Variants in DYNC2H1 observed in about 807,000 individuals in gnomAD.
The protein encoded by DYNC2H1 is dynein cytoplasmic 2 heavy chain 1, also known as cytoplasmic dynein 2 heavy chain 1.
In DYNC2H1, 410 loss-of-function variants were observed where a neutral mutation model predicts 570.0. The ratio of observed to expected loss-of-function variants is 0.72; its 90% CI spans 0.66 to 0.78. The LOEUF (loss-of-function observed/expected upper bound fraction) is 0.78, where lower values mean the gene tolerates loss of function less well. DYNC2H1 is among the 30% of genes least tolerant of loss of function. DYNC2H1 has a pLI of 0.00. For synonymous variants in DYNC2H1, 1,688 were observed against 1,677.6 expected, an observed-to-expected ratio of 1.01 and a Z score of -0.15; for missense variants, 4,865 against 5,046.4, an observed-to-expected ratio of 0.96 and a Z score of 1.09.
chr11:103,453,039 A>G (rs1230385252), intron 85 of DYNC2H1, among the ~76,000 whole-genome samples: 1 of 152,054 alleles, frequency 6.6e-6, no homozygotes, highest in Non-Finnish European at 1.5e-5. Flanking sequence ...GAAATTGCCT[A>G]GCCCATTTAG....
intron 75 of DYNC2H1, among the ~76,000 whole-genome samples, chr11:103,293,358 C>T (rs1286434228): frequency 6.6e-6 from 1 of 151,894 alleles, no homozygotes; most frequent in Non-Finnish European, 1.5e-5. Context: ...TTTCTTTGTC[C>T]TTGGCCTTTA....
At chr11:103,327,179 GTGT>G (rs1354272450) in intron 82 of DYNC2H1, among the ~76,000 whole-genome samples, 1 of 152,032 alleles carries the variant, frequency 6.6e-6, no homozygotes, top group Admixed American at 6.6e-5. Flanking sequence ...ACTCTCGGTA[GTGT>G]TTTCTTCCCC....
rs1591578626 is a variant in DYNC2H1, at chr11:103,323,936, C to T, written c.11985C>T (p.Phe3995=). The change falls in exon 82 of 89, where the codon TTC becomes TTT. Residue 3995 remains phenylalanine (F), a synonymous_variant. Transcript: ENST00000375735. ...TTCCAGAGGACGACAAACCTAGTTT[C>T]TTTGGTCTGCCTGCCAATATCGCTC... ...EKIPEDDKPS[F]FGLPANIARS... 1.2e-6 allele frequency: 2 copies of T among 1,613,002 alleles called. No individual in the cohort carries two copies. The highest frequency in any genetic ancestry group is 8.5e-7 in the Non-Finnish European group (1 of 1,179,332).
chr11:103,380,319 GTCATTTGTTTTC>G (rs1432901918), intron 83 of DYNC2H1, among the ~76,000 whole-genome samples: 1 of 152,062 alleles, frequency 6.6e-6, no homozygotes, highest in African/African-American at 2.4e-5. Flanking sequence ...TCCCTCTCCA[GTCATTTGTTTTC>G]TCATTTGTTT....
chr11:103,130,087 A>G (rs1859196288), intron 13 of DYNC2H1, among the ~76,000 whole-genome samples: 1 of 152,212 alleles, frequency 6.6e-6, no homozygotes, highest in East Asian at 1.9e-4. Flanking sequence ...CAGAGGGTGT[A>G]CTTATTTTTT....
chr11:103,410,811 C>A (rs1709152), intron 84 of DYNC2H1, among the ~76,000 whole-genome samples: 1 of 37,554 alleles, frequency 2.7e-5, no homozygotes, highest in South Asian at 1.0e-3. Context: ...AGCTTGGGTT[C>A]ATTGTATGGC....
rs181976280 is a variant in DYNC2H1, at chr11:103,247,287, T to A, written c.10042+1913T>A. Among the ~76,000 whole-genome samples the A allele has an allele frequency of 2.8e-4, 42 of 152,168 alleles. No homozygotes were observed. The East Asian group carries it at 7.7e-3, about 28-fold the overall frequency. On this transcript the variant is annotated intron_variant, in intron 65 of 88. Transcript: ENST00000375735. ...ATACTAGAGATGACAGCTAAACATT[T>A]GTGGTTGATTCTTTTAGTCCAGATG...
chr11:103,140,391 T>C lies in DYNC2H1; in HGVS notation c.2575-2877T>C, dbSNP rs529824497. On this transcript the variant is annotated intron_variant, in intron 17 of 88. Coordinates refer to ENST00000375735, the MANE Select transcript of DYNC2H1 (RefSeq NM_001377.3). ...TGTTGAGTGCTTCCTTCAGGAACTCTTTTAGGGCAGGCCTGGTGGTGACAA... is the reference window on the plus strand; with the variant it reads ...TGTTGAGTGCTTCCTTCAGGAACTCCTTTAGGGCAGGCCTGGTGGTGACAA... Among the ~76,000 whole-genome samples the C allele has an allele frequency of 8.5e-5, 13 of 152,192 alleles. No homozygotes were observed. The South Asian group carries it at 2.3e-3, about 27-fold the overall frequency.
In DYNC2H1 at chr11:103,121,462, A is replaced by G; in HGVS notation, c.1451A>G (p.Asn484Ser). The part of the protein sequence containing the change: ...LSGKNLSEVV[N>S]SIVWVRQLEL... ...GGCAAAAATCTTTCAGAAGTTGTCA[A>G]CAGTATAGTTTGGGTTCGCCAGTTG... is the stretch of plus-strand genomic sequence containing the variant. The change falls in exon 10 of 89, where the codon AAC becomes AGC. Residue 484 changes from asparagine to serine, a missense_variant. Coordinates refer to ENST00000375735, the MANE Select transcript of DYNC2H1 (RefSeq NM_001377.3). 1 of 1,613,458 alleles carries G rather than the reference A, an allele frequency of 6.2e-7. No homozygotes were observed. Among genetic ancestry groups the G allele is most frequent in the Non-Finnish European group, 8.5e-7 (1 of 1,179,614 alleles).
At chr11:103,365,473 A>G (rs1940863879) in intron 83 of DYNC2H1, among the ~76,000 whole-genome samples, 1 of 152,192 alleles carries the variant, frequency 6.6e-6, no homozygotes, top group South Asian at 2.1e-4. Flanking sequence ...TTTAATTCCT[A>G]TTGGGCTGAA....
intron 75 of DYNC2H1, among the ~76,000 whole-genome samples, chr11:103,291,311 A>G (rs3847571): frequency 0.17 from 25,131 of 151,884 alleles, 2,261 homozygotes; most frequent in Admixed American, 0.25. Flanking sequence ...GGTGGCAGGC[A>G]CCTGTAATCC....
Position 103,133,744 on chromosome 11 carries a change from G to T in DYNC2H1, c.2106+37G>T. On this transcript the variant is annotated intron_variant, in intron 14 of 88. Coordinates refer to ENST00000375735, the MANE Select transcript of DYNC2H1 (RefSeq NM_001377.3). This position sits in a 1 kb window ranked among gnomAD's most constrained non-coding sequence, Gnocchi z 4.8. ...TTATAAAATTGAATAAGCTATGAATGATATTATTTAAAAAGTCATTAAGAT... is the reference window on the plus strand; with the variant it reads ...TTATAAAATTGAATAAGCTATGAATTATATTATTTAAAAAGTCATTAAGAT... 1 of 1,504,854 alleles carries T rather than the reference G, an allele frequency of 6.6e-7. No individual in the cohort carries two copies. The highest frequency in any genetic ancestry group is 8.9e-7 in the Non-Finnish European group (1 of 1,123,224). 93.2% of individuals were successfully genotyped at this position (1,504,854 alleles called of 1,614,324 possible). A position where few individuals can be genotyped will look rare whatever the true frequency, so the allele number is the denominator to read the frequency against.
At chr11:103,343,799 CA>C (rs1939602818) in intron 82 of DYNC2H1, among the ~76,000 whole-genome samples, 1 of 152,094 alleles carries the variant, frequency 6.6e-6, no homozygotes, top group Admixed American at 6.6e-5. Flanking sequence ...TGGTAACTGC[CA>C]GTTTTGTGCT....
intron 87 of DYNC2H1, among the ~76,000 whole-genome samples, chr11:103,460,586 C>T (rs1457583214): frequency 6.6e-6 from 1 of 151,510 alleles, no homozygotes; most frequent in Non-Finnish European, 1.5e-5. Flanking sequence ...GCAGTCTGAG[C>T]CTTGGCTGTC....
rs79376156 is a variant in DYNC2H1, at chr11:103,417,529, G to A, written c.12366+17657G>A. Among the ~76,000 whole-genome samples, 153 of 152,274 alleles carry A rather than the reference G, an allele frequency of 1.0e-3. 5 individuals are homozygous for A. In the East Asian group the frequency reaches 0.027, roughly 27 times the overall value. On this transcript the variant is annotated intron_variant, in intron 84 of 88. Transcript: ENST00000375735. ...ATTAGTAAATTGAATCCAACAAAAT[G>A]TAAAATGGATAATGCATCATCCCCA...
intron 53 of DYNC2H1, among the ~76,000 whole-genome samples, chr11:103,210,904 G>T (rs1443457874): frequency 2.6e-5 from 4 of 152,018 alleles, no homozygotes; most frequent in Non-Finnish European, 5.9e-5. Context: ...AGGTGATAGG[G>T]TATTATTGAG....
chr11:103,186,465 C>T lies in DYNC2H1; in HGVS notation c.6857C>T (p.Pro2286Leu), dbSNP rs756078164. 1.9e-6 allele frequency: 3 copies of T among 1,611,830 alleles called. No individual in the cohort carries two copies. In the East Asian group the frequency reaches 6.7e-5, roughly 36 times the overall value. Residue 2286 changes from proline (P) to leucine (L), a missense_variant, in exon 42 of 89, where the codon CCC becomes CTC. Coordinates refer to ENST00000375735, the MANE Select transcript of DYNC2H1 (RefSeq NM_001377.3). The surrounding 1 kb of genome is among the most constrained non-coding windows in gnomAD (Gnocchi z 4.5). ...TGGTTAAGTTCTGATACTAAACAGC[C>T]CTTTATTCTGGTAGGACCAGAAGGA... ...KPWLSSDTKQ[P>L]FILVGPEGCG...
In DYNC2H1 at chr11:103,287,549, C is replaced by A. The variant is rs10895391; in HGVS notation, c.11039C>A (p.Ala3680Glu). The change falls in exon 75 of 89, where the codon GCG (alanine) becomes GAG (glutamate). Residue 3680 changes from alanine (A) to glutamate (E), a missense_variant. Coordinates refer to ENST00000375735, the MANE Select transcript of DYNC2H1 (RefSeq NM_001377.3). ...TATTTTAAGATTCTTGTAGTACAGGCGCTAAGACCGGACAGATTGCAAAGT... is the reference window on the plus strand; with the variant it reads ...TATTTTAAGATTCTTGTAGTACAGGAGCTAAGACCGGACAGATTGCAAAGT... ...SLFQQILVVQ[A>E]LRPDRLQSAM... 6.2e-7 allele frequency: 1 copy of A among 1,608,832 alleles called. No homozygotes were observed. The highest frequency in any genetic ancestry group is 1.1e-5 in the South Asian group (1 of 89,864).
intron 65 of DYNC2H1, among the ~76,000 whole-genome samples, chr11:103,246,862 C>G (rs1171225099): frequency 6.6e-6 from 1 of 152,024 alleles, no homozygotes; most frequent in Admixed American, 6.6e-5. Context: ...TTTCTACTTA[C>G]TGTGTTTAAA....
Sources: gnomAD v4.1 joint callset for allele counts (sites outside exome capture counted in the v4.1 genomes callset) on GRCh38, gnomAD v4.1.1 for gene constraint, Gnocchi (gnomAD v3.1) non-coding constraint, MANE v1.5 for transcripts, NCBI Gene and HGNC (gene_info 2026-07-23, HGNC 2026-07-21) for gene names.